CDH12: variants seen among roughly 807,000 people sequenced by gnomAD.
CDH12 encodes the protein cadherin 12.
In CDH12, 41 loss-of-function variants were observed where a neutral mutation model predicts 74.1. That is an observed-to-expected ratio of 0.55 (90% CI 0.43 to 0.72). CDH12 has a LOEUF of 0.72. Among genes scored for constraint, CDH12 ranks in the 30% least tolerant of loss-of-function variants. The probability of loss-of-function intolerance (pLI) is 0.00; values close to 1 mark genes in which losing one functional copy is unlikely to be tolerated. For missense variants in CDH12, 945 were observed against 977.2 expected (o/e 0.97, Z 0.44); for synonymous variants, 399 against 355.0 (o/e 1.12, Z -1.39).
intron 1 of CDH12, among the ~76,000 whole-genome samples, chr5:22,567,070 A>G (rs1362358268): frequency 6.6e-6 from 1 of 152,206 alleles, no homozygotes; most frequent in Non-Finnish European, 1.5e-5. Context: ...GTATGGTCCT[A>G]TGCCTTAACT....
chr5:22,281,863 T>TA (rs1050210486), intron 3 of CDH12, among the ~76,000 whole-genome samples: 19 of 151,952 alleles, frequency 1.3e-4, no homozygotes, highest in Non-Finnish European at 2.4e-4. Context: ...CACAGAATTA[T>TA]AAAAAAACTA....
intron 3 of CDH12, among the ~76,000 whole-genome samples, chr5:22,338,708 C>T (rs1346241338): frequency 6.6e-6 from 1 of 151,808 alleles, no homozygotes; most frequent in Non-Finnish European, 1.5e-5. Context: ...TATGTACCCA[C>T]AAAATTTTTA....
intron 1 of CDH12, among the ~76,000 whole-genome samples, chr5:22,570,849 T>C (rs1739508265): frequency 1.3e-5 from 2 of 152,218 alleles, no homozygotes; most frequent in Admixed American, 1.3e-4. Context: ...CTGTTTCATC[T>C]ACCTTAAAAA....
intron 2 of CDH12, among the ~76,000 whole-genome samples, chr5:22,416,922 ATGAAAATGATC>A (rs541311489): frequency 2.8e-4 from 43 of 152,314 alleles, no homozygotes; most frequent in African/African-American, 9.9e-4. Flanking sequence ...ATATTTTTTA[ATGAAAATGATC>A]CTTTCAAAGA....
chr5:22,117,467 TA>T (rs1308611467), intron 4 of CDH12, among the ~76,000 whole-genome samples: 40 of 64,608 alleles, frequency 6.2e-4, no homozygotes, highest in African/African-American at 2.1e-3. Context: ...ATTATATATA[TA>T]ATATATATAT....
chr5:22,076,988 C>T (rs1465686841), intron 5 of CDH12, among the ~76,000 whole-genome samples: 2 of 151,952 alleles, frequency 1.3e-5, no homozygotes, highest in Admixed American at 6.6e-5. Flanking sequence ...ACTTGAACAG[C>T]CCCTGACTCC....
chr5:22,570,296 G>C (rs894860394), intron 1 of CDH12, among the ~76,000 whole-genome samples: 8 of 151,960 alleles, frequency 5.3e-5, no homozygotes, highest in Non-Finnish European at 8.8e-5. Context: ...TGATCCTCCT[G>C]CCTCGGCCTC....
At chr5:22,483,392 C>G (rs1746457517) in intron 2 of CDH12, among the ~76,000 whole-genome samples, 1 of 151,872 alleles carries the variant, frequency 6.6e-6, no homozygotes, top group Non-Finnish European at 1.5e-5. Context: ...AGGAGCTGTT[C>G]TAGGTATTGG....
chr5:22,391,102 G>C (rs998446835), intron 3 of CDH12, among the ~76,000 whole-genome samples: 3 of 152,122 alleles, frequency 2.0e-5, no homozygotes, highest in African/African-American at 4.8e-5. Context: ...GATGCTCTAA[G>C]GTGGTGCTGG....
chr5:22,304,794 A>C (rs2150422546), intron 3 of CDH12, among the ~76,000 whole-genome samples: 1 of 152,326 alleles, frequency 6.6e-6, no homozygotes. Context: ...AGGAACAAAG[A>C]TATCATAACC....
At chr5:22,095,375 C>T (rs754792479) in intron 4 of CDH12, among the ~76,000 whole-genome samples, 7 of 152,072 alleles carry the variant, frequency 4.6e-5, no homozygotes, top group East Asian at 1.9e-4. Context: ...CCCAAAACTC[C>T]GGCGCCGGTC....
rs1747154455 is a variant in CDH12, at chr5:21,802,231, G to A, written c.1192C>T (p.Pro398Ser). Reference sequence around the variant, plus strand: ...ACAGCGCCAATGATGGTCCCTACCGGAGTGTCTTCATAAACCTCCATGGTG... The same window carrying A: ...ACAGCGCCAATGATGGTCCCTACCGAAGTGTCTTCATAAACCTCCATGGTG... ...LYTMEVYEDT[P>S]VGTIIGAVTA... is the part of the protein sequence containing the mutation. The change falls in exon 10 of 15, where the codon CCG (proline) becomes TCG (serine). Residue 398 changes from proline (P) to serine (S), a missense_variant. Physicochemically the swap from Pro to Ser is moderately conservative, Grantham distance 74 (BLOSUM62 -1). This residue lies in a region of CDH12 where 791 missense variants were observed against 792.8 expected (regional missense o/e 1.00). Transcript: ENST00000382254. 3 of 1,613,862 alleles carry A rather than the reference G, an allele frequency of 1.9e-6. No homozygotes were observed. Among genetic ancestry groups the A allele is most frequent in the Non-Finnish European group, 2.5e-6 (3 of 1,179,910 alleles).
intron 5 of CDH12, among the ~76,000 whole-genome samples, chr5:22,009,029 T>C (rs1157343442): frequency 1.3e-5 from 2 of 152,224 alleles, no homozygotes; most frequent in African/African-American, 2.4e-5. Flanking sequence ...TATGTGGCCA[T>C]AGTCCTTGTT....
intron 1 of CDH12, among the ~76,000 whole-genome samples, chr5:22,686,000 A>T (rs953337228): frequency 1.6e-4 from 25 of 152,300 alleles, no homozygotes; most frequent in African/African-American, 5.5e-4. Flanking sequence ...AGGTTATATT[A>T]CATTTTCATA....
At chr5:21,772,092 G>A (rs1234602485) in intron 11 of CDH12, among the ~76,000 whole-genome samples, 2 of 151,420 alleles carry the variant, frequency 1.3e-5, no homozygotes, top group African/African-American at 4.8e-5. Context: ...GAATCCTCTT[G>A]GTTGAGAGGA....
intron 4 of CDH12, among the ~76,000 whole-genome samples, chr5:22,160,528 T>C (rs1290452897): frequency 1.3e-5 from 2 of 152,158 alleles, no homozygotes; most frequent in Non-Finnish European, 2.9e-5. Context: ...AAATGAATTG[T>C]AATATTAATC....
rs146406605 is a variant in CDH12, at chr5:22,733,897, TAG to T, written c.-523+119159_-523+119160del. On this transcript the variant is annotated intron_variant, in intron 1 of 14. Transcript: ENST00000382254. The stretch of plus-strand genomic sequence containing the variant: ...TTCTAGTTGCTATCCTATAACCAAA[TAG>T]AGAGTCTGCCCAGACTTACAGTTGT... Among the ~76,000 whole-genome samples the T allele has an allele frequency of 8.8e-3, 1,343 of 151,886 alleles. 19 individuals are homozygous for T. The highest frequency in any genetic ancestry group is 0.031 in the African/African-American group (1,278 of 41,446).
intron 1 of CDH12, among the ~76,000 whole-genome samples, chr5:22,534,187 T>C (rs1432111553): frequency 6.6e-6 from 1 of 151,832 alleles, no homozygotes; most frequent in Non-Finnish European, 1.5e-5. Context: ...ACAGCCTCTT[T>C]ACTTCTTTTT....
At chr5:22,489,764 T>C (rs1746785748) in intron 2 of CDH12, among the ~76,000 whole-genome samples, 1 of 150,970 alleles carries the variant, frequency 6.6e-6, no homozygotes. Context: ...TACGGTTCAT[T>C]GCAGCCTCAA....
Sources: allele counts gnomAD v4.1 joint callset (sites outside exome capture counted in the v4.1 genomes callset), GRCh38; gene constraint gnomAD v4.1.1; regional missense constraint gnomAD v4.1.1; transcripts MANE v1.5; gene names NCBI Gene and HGNC (gene_info 2026-07-23, HGNC 2026-07-21).